TRIM26: variants seen among roughly 807,000 people sequenced by gnomAD.
The protein encoded by TRIM26 is tripartite motif-containing protein 26.
In TRIM26, 16 loss-of-function variants were observed where a neutral mutation model predicts 45.5. The observed-to-expected ratio is 0.35, with a 90% CI of 0.24 to 0.53. The LOEUF (loss-of-function observed/expected upper bound fraction) is 0.53. Among genes scored for constraint, TRIM26 ranks in the 20% least tolerant of loss-of-function variants. The pLI is 0.92. For synonymous variants in TRIM26, 273 were observed against 290.4 expected, an observed-to-expected ratio of 0.94 and a Z score of 0.61; for missense variants, 442 against 691.1, an observed-to-expected ratio of 0.64 and a Z score of 4.04.
chr6:30,187,905 A>G (rs1387314606), intron 9 of TRIM26, among the ~76,000 whole-genome samples: 1 of 131,448 alleles, frequency 7.6e-6, no homozygotes. Context: ...AAGACAAAGC[A>G]AGACTCCATC....
intron 1 of TRIM26, among the ~76,000 whole-genome samples, chr6:30,208,715 A>G (rs1245625923): frequency 6.6e-6 from 1 of 152,156 alleles, no homozygotes; most frequent in African/African-American, 2.4e-5. Flanking sequence ...ATTTCTGCAT[A>G]CATGTTCTAG....
intron 2 of TRIM26, among the ~76,000 whole-genome samples, 170 bp from the exon 3 acceptor site, chr6:30,201,308 G>T (rs989630695): frequency 3.1e-4 from 47 of 152,280 alleles, no homozygotes; most frequent in African/African-American, 1.1e-3. Context: ...CTCATTGAGG[G>T]TCTAGTACAA....
At chr6:30,197,064 T>C (rs184495593) in intron 5 of TRIM26, among the ~76,000 whole-genome samples, 1 of 152,198 alleles carries the variant, frequency 6.6e-6, no homozygotes, top group Non-Finnish European at 1.5e-5. Flanking sequence ...GTCTCACTCA[T>C]GAGCCGACGC....
rs186139832 is a variant in TRIM26 at position 30,198,419 on chromosome 6, C to T, written c.534+10G>A. The stretch of plus-strand genomic sequence containing the variant: ...ACCGCCTCAGGGCTTCCTGAAACAG[C>T]CTCACTTACCAGCGCGGCCAGGATA... On this transcript the variant is annotated intron_variant, in intron 5 of 9. Coordinates refer to ENST00000454678, the MANE Select transcript of TRIM26 (RefSeq NM_003449.5). This position sits in a 1 kb window ranked among gnomAD's most constrained non-coding sequence, Gnocchi z 6.3. 9.3e-5 allele frequency: 150 copies of T among 1,612,956 alleles called. No homozygotes were observed. The African/African-American group carries it at 1.8e-3, about 19-fold the overall frequency.
chr6:30,189,472 C>T lies in TRIM26; in HGVS notation c.850G>A (p.Gly284Arg), dbSNP rs373978229. 6 of 1,612,992 alleles carry T rather than the reference C, an allele frequency of 3.7e-6. No homozygotes were observed. Among genetic ancestry groups the T allele is most frequent in the African/African-American group, 1.3e-5 (1 of 75,012 alleles). Residue 284 changes from glycine to arginine, a missense_variant, in exon 8 of 10, where the codon GGA becomes AGA. Coordinates refer to ENST00000454678, the MANE Select transcript of TRIM26 (RefSeq NM_003449.5). This position sits in a 1 kb window ranked among gnomAD's most constrained non-coding sequence, Gnocchi z 5.0. ...GAGAGGAGTTTATCTGAGAATTCTC[C>T]GGTCTTTTTTTTAACCACTCGAGCA... is the stretch of plus-strand genomic sequence containing the variant. The part of the protein sequence containing the change: ...PIARVVKKKT[G>R]EFSDKLLSLQ...
chr6:30,209,473 A>G lies in TRIM26; in HGVS notation c.-376+3832T>C, dbSNP rs1203835602. On this transcript the variant is annotated intron_variant, in intron 1 of 9. Transcript: ENST00000454678. This position sits in a 1 kb window ranked among gnomAD's most constrained non-coding sequence, Gnocchi z 4.8. ...ACTGGGTCATGAGGGTGTAACTCTC[A>G]TGAATGGATTAATGCCTTTCTTGCA... Among the ~76,000 whole-genome samples the G allele has an allele frequency of 6.6e-6, 1 of 152,192 alleles. No individual in the cohort carries two copies. Among genetic ancestry groups the G allele is most frequent in the Non-Finnish European group, 1.5e-5 (1 of 68,026 alleles).
intron 1 of TRIM26, among the ~76,000 whole-genome samples, chr6:30,208,070 A>T (rs3132672): frequency 2.6e-5 from 4 of 151,908 alleles, no homozygotes; most frequent in Non-Finnish European, 5.9e-5. Flanking sequence ...CTGTCTTATC[A>T]CCAGAATCTA....
rs1222480034 is a variant in TRIM26, at chr6:30,196,570, C to G, written c.711G>C (p.Leu237=). 6.2e-7 allele frequency: 1 copy of G among 1,612,320 alleles called. No individual in the cohort carries two copies. The highest frequency in any genetic ancestry group is 8.5e-7 in the Non-Finnish European group (1 of 1,180,030). Residue 237 remains leucine, a synonymous_variant, in exon 6 of 10, where the codon CTG becomes CTC. Transcript: ENST00000454678. This position sits in a 1 kb window ranked among gnomAD's most constrained non-coding sequence, Gnocchi z 4.9. ...CCTTGCCCTCCAGTTCGGAGATGACCAGGGCCAGCCGGGCAAGCTCCCCGA... is the reference window on the plus strand; with the variant it reads ...CCTTGCCCTCCAGTTCGGAGATGACGAGGGCCAGCCGGGCAAGCTCCCCGA... ...RGVGELARLA[L]VISELEGKAQ...
Position 30,198,306 on chromosome 6 carries a change from T to C in TRIM26, c.534+123A>G. 1 of 1,031,830 alleles carries C rather than the reference T, an allele frequency of 9.7e-7. No individual in the cohort carries two copies. Among genetic ancestry groups the C allele is most frequent in the African/African-American group, 1.6e-5 (1 of 63,014 alleles). The allele number at this position is 1,031,830 out of a possible 1,614,324, so 63.9% of individuals were successfully genotyped here. A position where few individuals can be genotyped will look rare whatever the true frequency, so the allele number is the denominator to read the frequency against. On this transcript the variant is annotated intron_variant, in intron 5 of 9. Transcript: ENST00000454678. This position sits in a 1 kb window ranked among gnomAD's most constrained non-coding sequence, Gnocchi z 6.3. The stretch of plus-strand genomic sequence containing the variant: ...AAACCCAGGTCTGCTACTGCCAGGC[T>C]GACACCCATCCTCCCTGTGAGCAGC...
chr6:30,191,739 G>A (rs1436470277), intron 6 of TRIM26, among the ~76,000 whole-genome samples: 1 of 152,242 alleles, frequency 6.6e-6, no homozygotes, highest in Non-Finnish European at 1.5e-5. Context: ...CCCCCGCTAT[G>A]AAGCAAGTGC....
chr6:30,199,596 T>C (rs1278843742), intron 3 of TRIM26, among the ~76,000 whole-genome samples: 1 of 151,334 alleles, frequency 6.6e-6, no homozygotes, highest in African/African-American at 2.4e-5. Flanking sequence ...CGAGCAGTCA[T>C]GGGGGTCCTG....
chr6:30,199,198 CA>C lies in TRIM26; in HGVS notation c.-96del. 1 of 1,310,076 alleles carries C rather than the reference CA, an allele frequency of 7.6e-7. No individual in the cohort carries two copies. 81.2% of individuals were successfully genotyped at this position (1,310,076 alleles called of 1,614,324 possible). On this transcript the variant is annotated 5_prime_UTR_variant, in exon 4 of 10. Transcript: ENST00000454678. ...GTCAGGAGCAAGCACAGTAAAGGGG[CA>C]AAGGTGGCAGCCTGCACAGGGCTGC...
Position 30,199,109 on chromosome 6 carries a change from C to G in TRIM26, c.-6G>C. Reference sequence around the variant, plus strand: ...AGTGGGGCTGACGTGGCCATGGTATCCTTAGTTCAGAGAGGTCTCCGTTCA... The same window carrying G: ...AGTGGGGCTGACGTGGCCATGGTATGCTTAGTTCAGAGAGGTCTCCGTTCA... On this transcript the variant is annotated 5_prime_UTR_variant, in exon 4 of 10. Transcript: ENST00000454678. The G allele has an allele frequency of 6.5e-7, 1 of 1,546,812 alleles. No homozygotes were observed. Among genetic ancestry groups the G allele is most frequent in the Non-Finnish European group, 8.7e-7 (1 of 1,143,436 alleles).
chr6:30,190,109 G>GC lies in TRIM26; in HGVS notation c.766-75_766-74insG. ...CTTCAATGCATCTGCACCCAACACT[G>GC]TAGCAGAGATGGGACATATCAGTGA... On this transcript the variant is annotated intron_variant, in intron 6 of 9. Transcript: ENST00000454678. This position sits in a 1 kb window ranked among gnomAD's most constrained non-coding sequence, Gnocchi z 4.3. 6.6e-7 allele frequency: 1 copy of GC among 1,520,142 alleles called. No homozygotes were observed. Among genetic ancestry groups the GC allele is most frequent in the Non-Finnish European group, 9.1e-7 (1 of 1,099,352 alleles). The allele number at this position is 1,520,142 out of a possible 1,614,324, so 94.2% of individuals were successfully genotyped here.
rs184451465 is a variant in TRIM26 at position 30,193,024 on chromosome 6, A to G, written c.766-2989T>C. On this transcript the variant is annotated intron_variant, in intron 6 of 9. Transcript: ENST00000454678. ...TCCATTGGTCTATGTGTCTGCTTTT[A>G]TATCAATACATGCTGTTTTGGTTAC... is the stretch of plus-strand genomic sequence containing the variant. Among the ~76,000 whole-genome samples the G allele has an allele frequency of 2.5e-3, 375 of 147,664 alleles. 1 individual carries two copies. The highest frequency in any genetic ancestry group is 9.1e-3 in the African/African-American group (364 of 39,834).
intron 1 of TRIM26, among the ~76,000 whole-genome samples, chr6:30,210,222 C>A (rs955569093): frequency 6.9e-5 from 10 of 145,026 alleles, no homozygotes. Flanking sequence ...AAAAAAAAAA[C>A]TGCACAGACA....
Position 30,198,656 on chromosome 6 carries a change from G to A in TRIM26, c.438+10C>T. 6.2e-7 allele frequency: 1 copy of A among 1,603,588 alleles called. No individual in the cohort carries two copies. Among genetic ancestry groups the A allele is most frequent in the Non-Finnish European group, 8.5e-7 (1 of 1,176,780 alleles). ...GTGGCAAGGCACCCTCGGGGGTGAA[G>A]AGGGCTTACCCTGTGGGGCTGGGCG... On this transcript the variant is annotated intron_variant, in intron 4 of 9. Transcript: ENST00000454678. The surrounding 1 kb of genome is among the most constrained non-coding windows in gnomAD (Gnocchi z 6.3).
chr6:30,189,290 C>T lies in TRIM26; in HGVS notation c.905-91G>A, dbSNP rs749645678. 4.9e-5 allele frequency: 78 copies of T among 1,591,088 alleles called. No homozygotes were observed. Among genetic ancestry groups the T allele is most frequent in the Non-Finnish European group, 6.7e-5 (78 of 1,160,368 alleles). ...GCAGTATCAATTTCCTGATAGGGAT[C>T]CATGTCTAAGACAAGAGGCCCTCAG... is the stretch of plus-strand genomic sequence containing the variant. On this transcript the variant is annotated intron_variant, in intron 8 of 9. Transcript: ENST00000454678. This position sits in a 1 kb window ranked among gnomAD's most constrained non-coding sequence, Gnocchi z 5.0.
intron 2 of TRIM26, among the ~76,000 whole-genome samples, chr6:30,201,991 C>A (rs561592491): frequency 5.7e-4 from 87 of 152,296 alleles, no homozygotes; most frequent in African/African-American, 2.0e-3. Flanking sequence ...TGGTACTGGG[C>A]GTGTCTGTGG....
Sources: allele counts gnomAD v4.1 joint callset (sites outside exome capture counted in the v4.1 genomes callset), GRCh38; gene constraint gnomAD v4.1.1; non-coding constraint Gnocchi (gnomAD v3.1); transcripts MANE v1.5; gene names NCBI Gene and HGNC (gene_info 2026-07-23, HGNC 2026-07-21).